OSBPL9: variants seen among roughly 807,000 people sequenced by gnomAD.
OSBPL9 encodes the protein oxysterol-binding protein-related protein 9.
Under a neutral mutation model 106.6 loss-of-function variants are expected in OSBPL9, and 40 were observed. That is an observed-to-expected ratio of 0.38 (90% CI 0.29 to 0.49). The LOEUF (loss-of-function observed/expected upper bound fraction) is 0.49, where lower values mean the gene tolerates loss of function less well. Among genes scored for constraint, OSBPL9 ranks in the 20% least tolerant of loss-of-function variants. The pLI is 0.97. For missense variants in OSBPL9, 609 were observed against 887.2 expected (o/e 0.69, Z 3.98); for synonymous variants, 269 against 295.4 (o/e 0.91, Z 0.92).
At chr1:51,667,660 G>A (rs1353480791) in intron 2 of OSBPL9, among the ~76,000 whole-genome samples, 1 of 152,174 alleles carries the variant, frequency 6.6e-6, no homozygotes, top group African/African-American at 2.4e-5. Context: ...TTTAGTTATG[G>A]CTCAGGAAAT....
At chr1:51,741,022 A>G (rs1373254654) in intron 4 of OSBPL9, among the ~76,000 whole-genome samples, 4 of 151,690 alleles carry the variant, frequency 2.6e-5, no homozygotes, top group African/African-American at 7.3e-5. Flanking sequence ...GGGGTAAAAC[A>G]TTCAGTTACG....
At chr1:51,638,887 G>T (rs1435588034) in intron 1 of OSBPL9, among the ~76,000 whole-genome samples, 2 of 152,044 alleles carry the variant, frequency 1.3e-5, no homozygotes, top group Admixed American at 6.5e-5. Flanking sequence ...GCCAAGTCCA[G>T]AGGATTGCTT....
At chr1:51,630,310 G>T (rs748489369) in intron 1 of OSBPL9, among the ~76,000 whole-genome samples, 1 of 152,020 alleles carries the variant, frequency 6.6e-6, no homozygotes, top group Non-Finnish European at 1.5e-5. Context: ...ACAAGACAAG[G>T]TTAGAGGGAC....
At chr1:51,730,575 C>G (rs1336760973) in intron 4 of OSBPL9, among the ~76,000 whole-genome samples, 1 of 152,080 alleles carries the variant, frequency 6.6e-6, no homozygotes, top group Non-Finnish European at 1.5e-5. Context: ...ATACTGAAAA[C>G]TTTGGTATAG....
At chr1:51,657,879 C>T (rs1006970287) in intron 2 of OSBPL9, among the ~76,000 whole-genome samples, 7 of 152,056 alleles carry the variant, frequency 4.6e-5, no homozygotes, top group Non-Finnish European at 7.4e-5. Context: ...AGGAGGATCA[C>T]TTGAGTCCAG....
intron 3 of OSBPL9, among the ~76,000 whole-genome samples, chr1:51,692,523 A>G (rs1337066251): frequency 1.3e-5 from 2 of 151,890 alleles, no homozygotes; most frequent in African/African-American, 4.8e-5. Context: ...CAGGGTGGCT[A>G]TGTCACTAGG....
chr1:51,525,601 G>T, the OSBPL9 span, among the ~76,000 whole-genome samples: 2 of 151,898 alleles, frequency 1.3e-5, no homozygotes, highest in African/African-American at 2.4e-5. Context: ...AAGTTCTGTC[G>T]GCTCGATCTC....
chr1:51,644,028 C>T lies in OSBPL9; in HGVS notation c.112-7963C>T, dbSNP rs1383522121. Among the ~76,000 whole-genome samples, 4 of 131,266 alleles carry T rather than the reference C, an allele frequency of 3.0e-5. No individual in the cohort carries two copies. The East Asian group carries it at 7.2e-4, about 24-fold the overall frequency. 86.1% of individuals were successfully genotyped at this position (131,266 alleles called of 152,430 possible). On this transcript the variant is annotated intron_variant, in intron 1 of 23. Coordinates refer to ENST00000428468, the MANE Select transcript of OSBPL9 (RefSeq NM_024586.6). The stretch of plus-strand genomic sequence containing the variant: ...CTAGGAGGCAGAGGTTACAGTGAGC[C>T]AAAATTGTGCCACTGCACTCCAGCC...
intron 1 of OSBPL9, among the ~76,000 whole-genome samples, chr1:51,579,107 G>A (rs994637801): frequency 2.0e-5 from 3 of 150,202 alleles, no homozygotes; most frequent in Admixed American, 6.7e-5. Context: ...CCAGGCTGGA[G>A]TGCAGTGGTC....
chr1:51,529,249 T>G, the OSBPL9 span, among the ~76,000 whole-genome samples: 2 of 152,140 alleles, frequency 1.3e-5, no homozygotes, highest in Non-Finnish European at 2.9e-5. Context: ...CTGATTTTTT[T>G]TTTTTTTGAG....
At chr1:51,682,236 T>G (rs959039616) in intron 3 of OSBPL9, among the ~76,000 whole-genome samples, 1 of 152,066 alleles carries the variant, frequency 6.6e-6, no homozygotes, top group African/African-American at 2.4e-5. Context: ...TACTGTTGTA[T>G]TATTATTTTT....
rs530053232 is a variant in OSBPL9 at position 51,676,233 on chromosome 1, C to G, written c.241+6721C>G. ...TCACTTCAGACCAGGAGTTTGAGAC[C>G]AGCCTGGCCAATATGGTGAAACCCC... On this transcript the variant is annotated intron_variant, in intron 3 of 23. Transcript: ENST00000428468. 1.1e-3 allele frequency among the ~76,000 whole-genome samples: 161 copies of G among 152,092 alleles called. 2 individuals carry two copies. The highest frequency in any genetic ancestry group is 3.4e-3 in the Middle Eastern group (1 of 294).
chr1:51,713,356 G>T (rs1362200644), intron 3 of OSBPL9, among the ~76,000 whole-genome samples: 4 of 151,920 alleles, frequency 2.6e-5, no homozygotes, highest in Admixed American at 6.6e-5. Flanking sequence ...TACCATGTTG[G>T]CCAGGCTGGT....
chr1:51,717,236 A>G (rs891818731), intron 4 of OSBPL9, among the ~76,000 whole-genome samples: 3 of 152,070 alleles, frequency 2.0e-5, no homozygotes, highest in Admixed American at 1.3e-4. Context: ...GAGAGTGCTG[A>G]GATTATAGGC....
chr1:51,704,578 A>C (rs1268077115), intron 3 of OSBPL9, among the ~76,000 whole-genome samples: 6 of 152,170 alleles, frequency 3.9e-5, no homozygotes, highest in African/African-American at 1.4e-4. Flanking sequence ...TTATTTCCTC[A>C]CAGTTCTGGA....
At chr1:51,784,872 C>A in intron 20 of OSBPL9, 1 of 383,404 alleles carries the variant, frequency 2.6e-6, no homozygotes, top group Non-Finnish European at 4.7e-6. Flanking sequence ...GATTATGGAT[C>A]CCTAATTTAT....
intron 11 of OSBPL9, among the ~76,000 whole-genome samples, chr1:51,763,624 C>T (rs1272472608): frequency 6.6e-6 from 1 of 152,088 alleles, no homozygotes; most frequent in Non-Finnish European, 1.5e-5. Context: ...AGTAAAAGTA[C>T]TGATGCTATT....
At chr1:51,532,560 G>A in the OSBPL9 span, among the ~76,000 whole-genome samples, 1 of 152,184 alleles carries the variant, frequency 6.6e-6, no homozygotes, top group Non-Finnish European at 1.5e-5. Context: ...TGATTCCCAG[G>A]TAGCACTAAA....
chr1:51,778,632 C>T (rs907141385), intron 15 of OSBPL9, among the ~76,000 whole-genome samples: 1 of 152,106 alleles, frequency 6.6e-6, no homozygotes, highest in Admixed American at 6.5e-5. Context: ...AAAATACATG[C>T]AGCAACAAAA....
Sources: gnomAD v4.1 joint callset for allele counts (sites outside exome capture counted in the v4.1 genomes callset) on GRCh38, gnomAD v4.1.1 for gene constraint, MANE v1.5 for transcripts, NCBI Gene and HGNC (gene_info 2026-07-23, HGNC 2026-07-21) for gene names.